The following DLGAP2 variants were observed in gnomAD, a reference collection of about 807,000 sequenced individuals.
DLGAP2 encodes the protein disks large-associated protein 2.
A neutral mutation model predicts 100.3 loss-of-function variants in DLGAP2; 26 were observed. The ratio of observed to expected loss-of-function variants is 0.26; its 90% CI spans 0.19 to 0.36. The LOEUF (loss-of-function observed/expected upper bound fraction) is 0.36, where lower values mean the gene tolerates loss of function less well. DLGAP2 is among the 10% of genes least tolerant of loss of function. The pLI, the probability that DLGAP2 is intolerant of heterozygous loss-of-function variation, is 1.00. For missense variants in DLGAP2, 1,858 were observed against 1,453.2 expected, an observed-to-expected ratio of 1.28 and a Z score of -4.53; for synonymous variants, 886 against 630.1, an observed-to-expected ratio of 1.41 and a Z score of -6.08.
intron 8 of DLGAP2, among the ~76,000 whole-genome samples, chr8:1,651,731 T>C (rs1019342056): frequency 3.9e-5 from 6 of 152,190 alleles, no homozygotes; most frequent in Non-Finnish European, 8.8e-5. Context: ...GATGTCTGAC[T>C]TACAAGGCAA....
chr8:1,540,152 C>T (rs976523192), intron 4 of DLGAP2, among the ~76,000 whole-genome samples: 6 of 152,228 alleles, frequency 3.9e-5, no homozygotes, highest in African/African-American at 1.4e-4. Context: ...CTCAGAGATA[C>T]GTCCTACTTC....
intron 6 of DLGAP2, among the ~76,000 whole-genome samples, chr8:1,574,437 C>T (rs560992168): frequency 2.0e-5 from 3 of 152,182 alleles, no homozygotes; most frequent in Non-Finnish European, 4.4e-5. Context: ...GTCACACCAC[C>T]GGAAGTCAAC....
chr8:1,451,775 C>T (rs150536771), intron 3 of DLGAP2, among the ~76,000 whole-genome samples: 1 of 152,330 alleles, frequency 6.6e-6, no homozygotes, highest in Non-Finnish European at 1.5e-5. Flanking sequence ...CCCACATCTT[C>T]CTGAGGCCAC....
intron 3 of DLGAP2, among the ~76,000 whole-genome samples, chr8:1,359,718 G>A (rs1057228369): frequency 2.6e-5 from 4 of 152,236 alleles, no homozygotes; most frequent in South Asian, 2.1e-4. Context: ...TATAAAACCC[G>A]CGCGTTCCCT....
At chr8:768,197 C>A (rs1221867531) in intron 1 of DLGAP2, among the ~76,000 whole-genome samples, 1 of 152,078 alleles carries the variant, frequency 6.6e-6, no homozygotes, top group African/African-American at 2.4e-5. Context: ...CTGAGGGAGG[C>A]CGGGGAGGCA....
At chr8:1,276,574 G>A (rs1799702205) in intron 3 of DLGAP2, among the ~76,000 whole-genome samples, 1 of 152,024 alleles carries the variant, frequency 6.6e-6, no homozygotes, top group African/African-American at 2.4e-5. Context: ...TTCACATTAA[G>A]TGCGGTTTGA....
chr8:1,444,611 T>G (rs1797930559), intron 3 of DLGAP2, among the ~76,000 whole-genome samples: 1 of 152,056 alleles, frequency 6.6e-6, no homozygotes, highest in Non-Finnish European at 1.5e-5. Context: ...CTCCACCTCC[T>G]TCTCCATCAT....
chr8:1,214,994 C>T (rs1249487034), intron 2 of DLGAP2, among the ~76,000 whole-genome samples: 9 of 152,280 alleles, frequency 5.9e-5, no homozygotes, highest in African/African-American at 1.9e-4. Flanking sequence ...ACTCTGTGCT[C>T]TTGTATCTCA....
intron 3 of DLGAP2, among the ~76,000 whole-genome samples, chr8:1,387,018 G>A (rs377657914): frequency 1.1e-4 from 17 of 152,150 alleles, no homozygotes; most frequent in African/African-American, 3.9e-4. Flanking sequence ...AATACTAAAT[G>A]TTAATTGGAC....
intron 3 of DLGAP2, among the ~76,000 whole-genome samples, chr8:1,382,714 C>T (rs903884676): frequency 6.6e-6 from 1 of 152,166 alleles, no homozygotes; most frequent in African/African-American, 2.4e-5. Context: ...TGCACTCCAG[C>T]CTGGGCAACC....
chr8:1,362,214 C>A (rs980201681), intron 3 of DLGAP2, among the ~76,000 whole-genome samples: 1 of 152,020 alleles, frequency 6.6e-6, no homozygotes, highest in Admixed American at 6.5e-5. Flanking sequence ...AGCGAGTCCT[C>A]GGGAACTGTG....
At chr8:1,095,774 C>T (rs779902804) in intron 2 of DLGAP2, among the ~76,000 whole-genome samples, 2 of 152,136 alleles carry the variant, frequency 1.3e-5, no homozygotes, top group Admixed American at 6.5e-5. Context: ...ACATAAAAAC[C>T]TTCTAATTCT....
At chr8:1,009,486 C>G (rs980673107) in intron 2 of DLGAP2, among the ~76,000 whole-genome samples, 1 of 152,150 alleles carries the variant, frequency 6.6e-6, no homozygotes, top group Non-Finnish European at 1.5e-5. Flanking sequence ...CTGACATTTT[C>G]TTTGACTGAA....
At chr8:747,013 G>A (rs1024685009) in intron 1 of DLGAP2, among the ~76,000 whole-genome samples, 7 of 152,106 alleles carry the variant, frequency 4.6e-5, no homozygotes, top group Admixed American at 3.3e-4. Flanking sequence ...CCGAGCCAGT[G>A]GCTAGGAAGG....
chr8:1,511,254 G>C (rs1172141745), intron 4 of DLGAP2, among the ~76,000 whole-genome samples: 1 of 151,848 alleles, frequency 6.6e-6, no homozygotes, highest in African/African-American at 2.4e-5. Context: ...ATGGACGTAA[G>C]GGCTGTCTAG....
At chr8:969,163 C>T (rs969647799) in intron 2 of DLGAP2, among the ~76,000 whole-genome samples, 1 of 152,196 alleles carries the variant, frequency 6.6e-6, no homozygotes, top group Non-Finnish European at 1.5e-5. Flanking sequence ...ACGCAATCCC[C>T]TCAAAGACCT....
chr8:838,264 C>G (rs1043062077), intron 1 of DLGAP2, among the ~76,000 whole-genome samples: 2 of 152,034 alleles, frequency 1.3e-5, no homozygotes, highest in African/African-American at 4.8e-5. Flanking sequence ...GAACCTTTTC[C>G]TCTTTCAGCA....
rs117542233 is a variant in DLGAP2 at position 1,262,966 on chromosome 8, G to C, written c.106+4083G>C. On this transcript the variant is annotated intron_variant, in intron 3 of 14. Transcript: ENST00000637795. ...GCAGATAGATTTTCCGATGTGGGAAGACAGATAATGATGCCTGGTGGGGCC... is the reference window on the plus strand; with the variant it reads ...GCAGATAGATTTTCCGATGTGGGAACACAGATAATGATGCCTGGTGGGGCC... Among the ~76,000 whole-genome samples the C allele has an allele frequency of 5.9e-5, 9 of 152,250 alleles. No individual in the cohort carries two copies. The South Asian group carries it at 8.3e-4, about 14-fold the overall frequency.
chr8:1,229,566 A>G (rs1008821189), intron 2 of DLGAP2, among the ~76,000 whole-genome samples: 1 of 152,094 alleles, frequency 6.6e-6, no homozygotes, highest in Non-Finnish European at 1.5e-5. Context: ...ATTAGGTGTA[A>G]TGTGACCTTT....
Sources: allele counts gnomAD v4.1 joint callset (sites outside exome capture counted in the v4.1 genomes callset), GRCh38; gene constraint gnomAD v4.1.1; transcripts MANE v1.5; gene names NCBI Gene and HGNC (gene_info 2026-07-23, HGNC 2026-07-21).